Variants in SLIT3 observed in about 807,000 individuals in gnomAD.
SLIT3 encodes the protein slit homolog 3 protein.
Under a neutral mutation model 184.0 loss-of-function variants are expected in SLIT3, and 68 were observed. The observed-to-expected ratio is 0.37, with a 90% CI of 0.30 to 0.45. The LOEUF (loss-of-function observed/expected upper bound fraction) is 0.45. SLIT3 is among the 20% of genes least tolerant of loss of function. SLIT3 has a pLI of 1.00. For missense variants in SLIT3, 1,707 were observed against 2,026.0 expected, an observed-to-expected ratio of 0.84 and a Z score of 3.02; for synonymous variants, 831 against 828.6, an observed-to-expected ratio of 1.00 and a Z score of -0.05.
At chr5:169,181,089 GTCAAAGAGCTTCCC>G (rs1353078761) in intron 4 of SLIT3, among the ~76,000 whole-genome samples, 1 of 152,230 alleles carries the variant, frequency 6.6e-6, no homozygotes, top group Non-Finnish European at 1.5e-5. Flanking sequence ...GAGCCAAGAA[GTCAAAGAGCTTCCC>G]CCAACCATCA....
intron 4 of SLIT3, among the ~76,000 whole-genome samples, chr5:168,952,609 A>C (rs1762696858): frequency 6.8e-6 from 1 of 147,016 alleles, no homozygotes; most frequent in Non-Finnish European, 1.5e-5. Context: ...AGAGAACAAA[A>C]GGCAAAAGGA....
chr5:168,767,981 C>T (rs755121964), intron 14 of SLIT3, among the ~76,000 whole-genome samples: 10 of 152,268 alleles, frequency 6.6e-5, no homozygotes, highest in East Asian at 1.9e-4. Context: ...CCCCAGGGTG[C>T]TTCTCCAGAC....
At chr5:169,224,510 A>G (rs1764731704) in intron 3 of SLIT3, among the ~76,000 whole-genome samples, 1 of 150,954 alleles carries the variant, frequency 6.6e-6, no homozygotes, top group African/African-American at 2.4e-5. Context: ...TGAGACTACA[A>G]GCGTGCACTA....
At chr5:169,027,305 T>C (rs1324025189) in intron 4 of SLIT3, among the ~76,000 whole-genome samples, 1 of 152,328 alleles carries the variant, frequency 6.6e-6, no homozygotes, top group South Asian at 2.1e-4. Context: ...GGAACAGCTT[T>C]AGATAGAAAA....
At chr5:169,204,542 G>C (rs1450289936) in intron 3 of SLIT3, among the ~76,000 whole-genome samples, 1 of 152,306 alleles carries the variant, frequency 6.6e-6, no homozygotes, top group African/African-American at 2.4e-5. Flanking sequence ...TGATTCAGGG[G>C]AGAGAGGAGA....
chr5:168,810,950 C>G (rs1455384630), intron 8 of SLIT3, among the ~76,000 whole-genome samples: 2 of 152,066 alleles, frequency 1.3e-5, no homozygotes, highest in African/African-American at 4.8e-5. Context: ...TGTATAACTC[C>G]CCCTGAAGTT....
At chr5:168,795,735 C>T (rs1025745448) in intron 9 of SLIT3, among the ~76,000 whole-genome samples, 157 bp from the exon 10 acceptor site, 1 of 152,100 alleles carries the variant, frequency 6.6e-6, no homozygotes, top group African/African-American at 2.4e-5. Flanking sequence ...CTGCAGCAGT[C>T]AGAGAACTCA....
chr5:169,300,050 G>C lies in SLIT3; in HGVS notation c.197+463C>G, dbSNP rs932710758. On this transcript the variant is annotated intron_variant, in intron 1 of 35. Coordinates refer to ENST00000519560, the MANE Select transcript of SLIT3 (RefSeq NM_003062.4). The surrounding 1 kb of genome is among the most constrained non-coding windows in gnomAD (Gnocchi z 4.1). ...TTGCAAGGGCAGCCAGAGAGCGGCTGGCCCATTCTGATCTCCAAGCAGGTC... is the reference window on the plus strand; with the variant it reads ...TTGCAAGGGCAGCCAGAGAGCGGCTCGCCCATTCTGATCTCCAAGCAGGTC... Among the ~76,000 whole-genome samples the C allele has an allele frequency of 6.6e-6, 1 of 152,204 alleles. No individual in the cohort carries two copies. Among genetic ancestry groups the C allele is most frequent in the Non-Finnish European group, 1.5e-5 (1 of 68,042 alleles).
intron 1 of SLIT3, among the ~76,000 whole-genome samples, chr5:169,256,817 G>A (rs190877237): frequency 3.0e-4 from 46 of 152,260 alleles, no homozygotes; most frequent in African/African-American, 1.0e-3. Context: ...TTGTGGGAAC[G>A]AGGTGAGAAC....
At chr5:168,739,978 T>C (rs1056800669) in intron 20 of SLIT3, among the ~76,000 whole-genome samples, 5 of 152,236 alleles carry the variant, frequency 3.3e-5, no homozygotes, top group African/African-American at 1.2e-4. Context: ...GGGTATATAA[T>C]TGTTACTTTT....
chr5:169,003,533 C>T (rs888679035), intron 4 of SLIT3, among the ~76,000 whole-genome samples: 2 of 152,176 alleles, frequency 1.3e-5, no homozygotes, highest in Non-Finnish European at 2.9e-5. Flanking sequence ...CCAGAGTGGC[C>T]GTGAACACAG....
At chr5:168,713,421 C>T (rs766409135) in intron 23 of SLIT3, among the ~76,000 whole-genome samples, 7 of 152,154 alleles carry the variant, frequency 4.6e-5, no homozygotes, top group East Asian at 1.9e-4. Context: ...AAATCCACAA[C>T]GCATGGATTA....
rs201819555 is a variant in SLIT3 at position 169,035,647 on chromosome 5, G to GAAAA, written c.414-152315_414-152312dup. Among the ~76,000 whole-genome samples, 104 of 103,566 alleles carry GAAAA rather than the reference G, an allele frequency of 1.0e-3. 1 individual carries two copies. The highest frequency in any genetic ancestry group is 3.4e-3 in the African/African-American group (94 of 27,394). The allele number at this position is 103,566 out of a possible 152,430, so 67.9% of individuals were successfully genotyped here. On this transcript the variant is annotated intron_variant, in intron 4 of 35. Coordinates refer to ENST00000519560, the MANE Select transcript of SLIT3 (RefSeq NM_003062.4). ...CTGGGTGACAGTGAGACTGCATCTGGAAAAAAAAAAAAAAAAAAAAGAATT... is the reference window on the plus strand; with the variant it reads ...CTGGGTGACAGTGAGACTGCATCTGGAAAAAAAAAAAAAAAAAAAAAAAAGAATT...
chr5:169,187,116 T>TTTTTTTG (rs1763374527), intron 4 of SLIT3, among the ~76,000 whole-genome samples: 1 of 138,952 alleles, frequency 7.2e-6, no homozygotes, highest in Admixed American at 7.2e-5. Flanking sequence ...TATAGGTTTT[T>TTTTTTTG]TTTTTTTTTT....
chr5:168,880,251 T>C (rs1250595048), intron 5 of SLIT3, among the ~76,000 whole-genome samples: 1 of 152,202 alleles, frequency 6.6e-6, no homozygotes, highest in African/African-American at 2.4e-5. Context: ...CCAGAACAAA[T>C]GTTTTCACCG....
At chr5:169,197,791 C>T (rs1763785373) in intron 3 of SLIT3, among the ~76,000 whole-genome samples, 1 of 151,580 alleles carries the variant, frequency 6.6e-6, no homozygotes, top group African/African-American at 2.4e-5. Flanking sequence ...TTTCCTGATG[C>T]AACAATGGGG....
At chr5:168,853,954 C>A (rs1257408761) in intron 5 of SLIT3, among the ~76,000 whole-genome samples, 1 of 152,204 alleles carries the variant, frequency 6.6e-6, no homozygotes, top group Non-Finnish European at 1.5e-5. Flanking sequence ...AAATGAACTG[C>A]TCTTTCCAAG....
intron 4 of SLIT3, among the ~76,000 whole-genome samples, chr5:169,051,470 G>T (rs564546767): frequency 2.0e-5 from 3 of 152,250 alleles, no homozygotes; most frequent in African/African-American, 7.2e-5. Context: ...CAGAGGAGAT[G>T]TCAATCATGT....
At chr5:169,260,465 G>T (rs528774304) in intron 1 of SLIT3, among the ~76,000 whole-genome samples, 1 of 152,306 alleles carries the variant, frequency 6.6e-6, no homozygotes, top group East Asian at 1.9e-4. Flanking sequence ...CTCCCTGAGA[G>T]CTCACCCACG....
Sources: gnomAD v4.1 joint callset for allele counts (sites outside exome capture counted in the v4.1 genomes callset) on GRCh38, gnomAD v4.1.1 for gene constraint, Gnocchi (gnomAD v3.1) non-coding constraint, MANE v1.5 for transcripts, NCBI Gene and HGNC (gene_info 2026-07-23, HGNC 2026-07-21) for gene names.